LAMB1: variants seen among roughly 807,000 people sequenced by gnomAD.
LAMB1 encodes the protein laminin subunit beta 1.
Under a neutral mutation model 222.3 loss-of-function variants are expected in LAMB1, and 121 were observed. The observed-to-expected ratio is 0.54, with a 90% CI of 0.47 to 0.63. LAMB1 has a LOEUF of 0.63. Ranked by LOEUF, LAMB1 falls within the 30% of genes least tolerant of loss-of-function variation. The pLI is 0.00. For synonymous variants in LAMB1, 794 were observed against 807.2 expected (o/e 0.98, Z 0.28); for missense variants, 2,172 against 2,240.8 (o/e 0.97, Z 0.62).
At position 107,986,336 on chromosome 7, in the gene LAMB1, C is replaced by A. The variant is rs771551812; in HGVS notation, c.451G>T (p.Glu151Ter). 6.2e-7 allele frequency: 1 copy of A among 1,606,906 alleles called. No individual in the cohort carries two copies. The highest frequency in any genetic ancestry group is 8.5e-7 in the Non-Finnish European group (1 of 1,174,450). ...KTFRPAAMLI[E>*]RSSDFGKTWG... is the part of the protein sequence containing the mutation. ...GTTTTCCCAAAGTCGGACGATCGTTCTATCAGCATAGCAGCTGGACGGAAT... is the reference window on the plus strand; with the variant it reads ...GTTTTCCCAAAGTCGGACGATCGTTATATCAGCATAGCAGCTGGACGGAAT... The change falls in exon 6 of 34, where the codon GAA (glutamate) becomes TAA (stop). Residue 151 changes from glutamate to a stop codon, truncating the protein, a stop_gained. Coordinates refer to ENST00000222399, the MANE Select transcript of LAMB1 (RefSeq NM_002291.3). LOFTEE classifies it high-confidence loss of function.
chr7:107,943,687 T>C (rs990776638), intron 24 of LAMB1, among the ~76,000 whole-genome samples: 2 of 152,156 alleles, frequency 1.3e-5, no homozygotes, highest in African/African-American at 4.8e-5. Context: ...ACTATTTTTA[T>C]TTCTATCACG....
Position 107,959,438 on chromosome 7 carries a change from T to G in LAMB1, c.2501A>C (p.Asn834Thr), listed in dbSNP as rs552782957. ...ACAGTGGCACTGGCCAGTGACGGGA[T>G]TGCAGAAGGCATTGACAGATCCTTG... ...HLQGSVNAFC[N>T]PVTGQCHCFQ... Residue 834 changes from asparagine to threonine, a missense_variant, in exon 20 of 34, where the codon AAT becomes ACT. Coordinates refer to ENST00000222399, the MANE Select transcript of LAMB1 (RefSeq NM_002291.3). The G allele has an allele frequency of 1.9e-6, 3 of 1,614,176 alleles. No individual in the cohort carries two copies. In the African/African-American group the frequency reaches 4.0e-5, roughly 22 times the overall value.
At chr7:107,959,942 A>C (rs1221562630) in intron 18 of LAMB1, 108 bp from the exon 19 acceptor site, 1 of 1,397,930 alleles carries the variant, frequency 7.2e-7, no homozygotes, top group Non-Finnish European at 9.6e-7. Context: ...TTCTGGTTTA[A>C]AACAGTATCA....
intron 3 of LAMB1, chr7:107,999,763 C>CTTTTTT (rs11306976): frequency 4.1e-5 from 5 of 121,424 alleles, no homozygotes; most frequent in South Asian, 2.9e-4. Flanking sequence ...GCTCCAGTTG[C>CTTTTTT]TTTTTTTTTT....
chr7:107,953,883 C>A, intron 21 of LAMB1, 129 bp from the exon 22 acceptor site: 2 of 731,304 alleles, frequency 2.7e-6, no homozygotes. Context: ...GTTTAAAGAG[C>A]CCAGGGTGAT....
In LAMB1 at chr7:107,980,820, G is replaced by T. The variant is rs745971775; in HGVS notation, c.677-9C>A. On this transcript the variant is annotated splice_polypyrimidine_tract_variant and intron_variant, in intron 7 of 33. Transcript: ENST00000222399. ...GGTAATTTTTAATAAATCTAGGAAG[G>T]TCATCAAGAAGATGAAAAGTCTGAT... The T allele has an allele frequency of 5.1e-6, 8 of 1,560,838 alleles. No individual in the cohort carries two copies. Among genetic ancestry groups the T allele is most frequent in the African/African-American group, 1.4e-5 (1 of 73,744 alleles).
In LAMB1 at chr7:107,951,206, C is replaced by A. The variant is rs768633988; in HGVS notation, c.3391+20G>T. The A allele has an allele frequency of 9.4e-6, 15 of 1,596,514 alleles. No homozygotes were observed. The highest frequency in any genetic ancestry group is 1.3e-5 in the Non-Finnish European group (15 of 1,164,198). ...CCTCCACTCTCTGATCAAGTCAATG[C>A]GAGAACGCCCACAACTCACCTCGGC... On this transcript the variant is annotated intron_variant, in intron 24 of 33. Transcript: ENST00000222399.
At position 108,001,599 on chromosome 7, in the gene LAMB1, G is replaced by GC; in HGVS notation, c.171dup (p.Leu58AlafsTer30). ...ATACAGTAGGGTTCGGGCTTGTGCA[G>GC]CCCGCACGTCGAGGTCACCGAAAGC... On this transcript the variant is annotated frameshift_variant, in exon 3 of 34. Transcript: ENST00000222399. LOFTEE classifies it high-confidence loss of function. 6.2e-7 allele frequency: 1 copy of GC among 1,612,800 alleles called. No individual in the cohort carries two copies. Among genetic ancestry groups the GC allele is most frequent in the Non-Finnish European group, 8.5e-7 (1 of 1,179,692 alleles).
At chr7:107,941,869 GTT>G (rs2032991791) in intron 24 of LAMB1, among the ~76,000 whole-genome samples, 1 of 113,086 alleles carries the variant, frequency 8.8e-6, no homozygotes, top group African/African-American at 3.6e-5. Context: ...AAGAGACGGT[GTT>G]TCTCCATGTT....
chr7:107,980,711 A>G lies in LAMB1; in HGVS notation c.777T>C (p.Tyr259=). The change falls in exon 8 of 34, where the codon TAT becomes TAC. Residue 259 remains tyrosine (Y), a synonymous_variant. Transcript: ENST00000222399. ...GAACCACCATATCATAAACTGCATA[A>G]TAATACTTTTCTCTGATTTCCATCC... The part of the protein sequence containing the change: ...DSRMEIREKY[Y]YAVYDMVVRG... 1.2e-6 allele frequency: 2 copies of G among 1,613,786 alleles called. No individual in the cohort carries two copies. The highest frequency in any genetic ancestry group is 1.1e-5 in the South Asian group (1 of 91,080).
At chr7:107,994,218 A>T (rs1453828630) in intron 5 of LAMB1, among the ~76,000 whole-genome samples, 1 of 152,222 alleles carries the variant, frequency 6.6e-6, no homozygotes, top group Non-Finnish European at 1.5e-5. Context: ...TTAAGAAGAA[A>T]CAAAGGGACT....
intron 7 of LAMB1, among the ~76,000 whole-genome samples, chr7:107,983,548 T>A (rs999390978): frequency 1.1e-5 from 1 of 94,976 alleles, no homozygotes; most frequent in Non-Finnish European, 2.1e-5. Flanking sequence ...TCCAAAGCCC[T>A]TTTTTTTTTT....
intron 13 of LAMB1, among the ~76,000 whole-genome samples, chr7:107,972,577 T>G (rs2033770149): frequency 7.0e-6 from 1 of 141,862 alleles, no homozygotes; most frequent in African/African-American, 2.6e-5. Context: ...ATTAATGGAC[T>G]TGGAAGTCAC....
chr7:107,950,219 G>C (rs1358334027), intron 24 of LAMB1, among the ~76,000 whole-genome samples: 1 of 150,612 alleles, frequency 6.6e-6, no homozygotes, highest in Non-Finnish European at 1.5e-5. Flanking sequence ...GACAGAGCGA[G>C]ACTCCGTCTC....
intron 24 of LAMB1, among the ~76,000 whole-genome samples, chr7:107,945,787 TA>T (rs1368291317): frequency 1.3e-5 from 2 of 152,208 alleles, no homozygotes; most frequent in Admixed American, 1.3e-4. Context: ...ATAATATGCC[TA>T]AAAGTGCTTG....
rs1322197532 is a variant in LAMB1, at chr7:107,998,480, A to AT, written c.225dup (p.Cys76MetfsTer12). The AT allele has an allele frequency of 6.2e-7, 1 of 1,613,650 alleles. No individual in the cohort carries two copies. The highest frequency in any genetic ancestry group is 8.5e-7 in the Non-Finnish European group (1 of 1,179,788). The stretch of plus-strand genomic sequence containing the variant: ...GGATCTTGGGAATTGCATATGAAGC[A>AT]TTTTTTGTCCTCCTACAAACAAAGT... On this transcript the variant is annotated frameshift_variant, in exon 4 of 34. Transcript: ENST00000222399. LOFTEE classifies it high-confidence loss of function.
At chr7:108,002,816 G>A (rs1461324707) in intron 2 of LAMB1, 33 bp downstream of exon 2, 1 of 1,613,774 alleles carries the variant, frequency 6.2e-7, no homozygotes, top group Admixed American at 1.7e-5. Context: ...GCCCAAGTCC[G>A]TCCGCCTCCC....
chr7:107,974,554 TATTTC>T (rs2033813708), intron 12 of LAMB1, among the ~76,000 whole-genome samples: 1 of 152,064 alleles, frequency 6.6e-6, no homozygotes, highest in African/African-American at 2.4e-5. Flanking sequence ...ATTTTCTGAT[TATTTC>T]ATTAGAATAG....
chr7:108,001,879 G>C, intron 2 of LAMB1, 146 bp from the exon 3 acceptor site: 3 of 1,486,104 alleles, frequency 2.0e-6, no homozygotes, highest in Non-Finnish European at 2.7e-6. Flanking sequence ...AGACAATGGA[G>C]AGATGAGCGC....
Sources: allele counts gnomAD v4.1 joint callset (sites outside exome capture counted in the v4.1 genomes callset), GRCh38; gene constraint gnomAD v4.1.1; transcripts MANE v1.5; gene names NCBI Gene and HGNC (gene_info 2026-07-23, HGNC 2026-07-21).